The following TBC1D22B variants were observed in gnomAD, a reference collection of about 807,000 sequenced individuals.
The protein encoded by TBC1D22B is TBC1 domain family member 22B, also known as chromosome 6 open reading frame 197.
TBC1D22B carries 32 observed loss-of-function variants against 69.1 expected under a neutral mutation model. That is an observed-to-expected ratio of 0.46 (90% CI 0.35 to 0.62). The LOEUF is 0.62. TBC1D22B is among the 20% of genes least tolerant of loss of function. TBC1D22B has a pLI of 0.00. For synonymous variants in TBC1D22B, 206 were observed against 229.8 expected, an observed-to-expected ratio of 0.90 and a Z score of 0.94; for missense variants, 462 against 630.9, an observed-to-expected ratio of 0.73 and a Z score of 2.87.
chr6:37,320,658 G>C (rs1768212847), intron 12 of TBC1D22B, among the ~76,000 whole-genome samples: 1 of 152,190 alleles, frequency 6.6e-6, no homozygotes, highest in African/African-American at 2.4e-5. Flanking sequence ...CTGGGTCCCA[G>C]CTGCGACAAA....
intron 7 of TBC1D22B, among the ~76,000 whole-genome samples, chr6:37,290,282 T>C (rs1767134558): frequency 6.6e-6 from 1 of 152,066 alleles, no homozygotes; most frequent in Non-Finnish European, 1.5e-5. Flanking sequence ...TGTACTCACA[T>C]CACCTCTGCC....
chr6:37,264,080 T>C (rs1766194385), intron 1 of TBC1D22B, among the ~76,000 whole-genome samples: 1 of 152,144 alleles, frequency 6.6e-6, no homozygotes, highest in African/African-American at 2.4e-5. Flanking sequence ...GATCAGCCAG[T>C]TAGCCATGGA....
At chr6:37,309,593 G>A (rs1253010185) in intron 8 of TBC1D22B, among the ~76,000 whole-genome samples, 1 of 152,122 alleles carries the variant, frequency 6.6e-6, no homozygotes, top group African/African-American at 2.4e-5. Flanking sequence ...CTGCTGCCTA[G>A]GATGGATTAG....
intron 1 of TBC1D22B, among the ~76,000 whole-genome samples, chr6:37,261,247 C>T (rs905683088): frequency 2.0e-5 from 3 of 151,884 alleles, no homozygotes; most frequent in Non-Finnish European, 2.9e-5. Flanking sequence ...GCCTGGCCAA[C>T]GTGGTGAAAC....
chr6:37,267,350 TAC>T (rs1160417812), intron 1 of TBC1D22B, among the ~76,000 whole-genome samples: 1 of 122,750 alleles, frequency 8.1e-6, no homozygotes, highest in Non-Finnish European at 1.6e-5. Flanking sequence ...AATATATATA[TAC>T]ACACATATAT....
At chr6:37,304,537 A>C (rs1767653562) in intron 8 of TBC1D22B, among the ~76,000 whole-genome samples, 1 of 152,232 alleles carries the variant, frequency 6.6e-6, no homozygotes, top group African/African-American at 2.4e-5. Context: ...AAAAATATAT[A>C]TATTGTATGA....
chr6:37,322,332 G>A (rs1768275517), intron 12 of TBC1D22B, among the ~76,000 whole-genome samples: 1 of 152,204 alleles, frequency 6.6e-6, no homozygotes, highest in Non-Finnish European at 1.5e-5. Flanking sequence ...GAGGTCAGGA[G>A]TTCAAGACCA....
rs113732822 is a variant in TBC1D22B, at chr6:37,285,973, C to T, written c.802-1034C>T. ...TCATAAGCAAGTTCATCTCTGGTTC[C>T]CTATTTTAGGACATTTTTGCAGCTT... On this transcript the variant is annotated intron_variant, in intron 6 of 12. Transcript: ENST00000373491. 6.4e-3 allele frequency among the ~76,000 whole-genome samples: 979 copies of T among 152,302 alleles called. 5 individuals are homozygous for T. The highest frequency in any genetic ancestry group is 0.022 in the African/African-American group (908 of 41,570).
intron 12 of TBC1D22B, chr6:37,324,458 G>A: frequency 2.3e-6 from 1 of 427,694 alleles, no homozygotes; most frequent in South Asian, 1.6e-5. Context: ...AAGGACTGTG[G>A]CCTATTATGC....
chr6:37,301,374 C>G (rs901203955), intron 8 of TBC1D22B, among the ~76,000 whole-genome samples: 1 of 152,170 alleles, frequency 6.6e-6, no homozygotes, highest in Admixed American at 6.6e-5. Flanking sequence ...AAAGAACACT[C>G]GTACTCTTTA....
In TBC1D22B at chr6:37,327,733, T is replaced by C. The variant is rs932051916; in HGVS notation, c.1390-3311T>C. On this transcript the variant is annotated intron_variant, in intron 12 of 12. Coordinates refer to ENST00000373491, the MANE Select transcript of TBC1D22B (RefSeq NM_017772.4). ...TGAATAACTGGTCTGGTTGAGTGAA[T>C]TTCCGTAATCATGTGACTGGAGGGG... is the stretch of plus-strand genomic sequence containing the variant. 1.2e-4 allele frequency among the ~76,000 whole-genome samples: 18 copies of C among 151,894 alleles called. 1 individual carries two copies. The highest frequency in any genetic ancestry group is 2.9e-5 in the Non-Finnish European group (2 of 67,976).
chr6:37,318,856 G>T (rs142472415), intron 12 of TBC1D22B, among the ~76,000 whole-genome samples: 1 of 152,152 alleles, frequency 6.6e-6, no homozygotes, highest in African/African-American at 2.4e-5. Context: ...GGTGGCGAGT[G>T]TATTGCTTTT....
At chr6:37,282,735 T>A (rs1468050627) in intron 4 of TBC1D22B, 147 bp from the exon 5 acceptor site, 3 of 753,130 alleles carry the variant, frequency 4.0e-6, no homozygotes, top group Non-Finnish European at 6.8e-6. Flanking sequence ...TGCTCGGGGC[T>A]GTTTTGGGCT....
At chr6:37,286,319 T>G (rs576881391) in intron 6 of TBC1D22B, among the ~76,000 whole-genome samples, 1 of 88,176 alleles carries the variant, frequency 1.1e-5, no homozygotes, top group African/African-American at 3.7e-5. Context: ...TGATTTCCAT[T>G]TCTTTTTTTT....
At chr6:37,295,881 C>T (rs1011125515) in intron 8 of TBC1D22B, 1 of 168,760 alleles carries the variant, frequency 5.9e-6, no homozygotes, top group African/African-American at 2.4e-5. Flanking sequence ...CAAACAGAGT[C>T]ACATGCTACA....
intron 2 of TBC1D22B, among the ~76,000 whole-genome samples, chr6:37,276,300 T>G (rs550397373): frequency 6.6e-6 from 1 of 152,266 alleles, no homozygotes; most frequent in African/African-American, 2.4e-5. Flanking sequence ...CTCACCAACC[T>G]TGTTTTGTCC....
chr6:37,283,875 A>G (rs1766922934), intron 5 of TBC1D22B, among the ~76,000 whole-genome samples: 1 of 152,204 alleles, frequency 6.6e-6, no homozygotes, highest in South Asian at 2.1e-4. Flanking sequence ...TCTGAAAGTT[A>G]CACTGGAAAA....
intron 6 of TBC1D22B, among the ~76,000 whole-genome samples, chr6:37,285,583 G>C (rs73421909): frequency 0.032 from 4,822 of 152,004 alleles, 241 homozygotes; most frequent in African/African-American, 0.11. Context: ...GCCTTTGTCC[G>C]CTGGGTTCCA....
intron 5 of TBC1D22B, 72 bp from the exon 6 acceptor site, chr6:37,284,264 T>C: frequency 6.2e-7 from 1 of 1,607,924 alleles, no homozygotes; most frequent in East Asian, 2.2e-5. Context: ...AACCACTGCA[T>C]AGATTAAAAT....
Sources: gnomAD v4.1 joint callset for allele counts (sites outside exome capture counted in the v4.1 genomes callset) on GRCh38, gnomAD v4.1.1 for gene constraint, MANE v1.5 for transcripts, NCBI Gene and HGNC (gene_info 2026-07-23, HGNC 2026-07-21) for gene names.